SEMA4D: variants seen among roughly 807,000 people sequenced by gnomAD.
The protein encoded by SEMA4D is semaphorin-4D.
In SEMA4D, 22 loss-of-function variants were observed where a neutral mutation model predicts 74.8. That is an observed-to-expected ratio of 0.29 (90% CI 0.21 to 0.42). SEMA4D has a LOEUF of 0.42. Ranked by LOEUF, SEMA4D falls within the 10% of genes least tolerant of loss-of-function variation. SEMA4D has a pLI of 1.00. For missense variants in SEMA4D, 937 were observed against 1,118.4 expected (o/e 0.84, Z 2.31); for synonymous variants, 445 against 463.7 (o/e 0.96, Z 0.52).
intron 1 of SEMA4D, among the ~76,000 whole-genome samples, chr9:89,464,822 G>A (rs780708025): frequency 2.4e-4 from 36 of 151,960 alleles, no homozygotes; most frequent in Non-Finnish European, 5.1e-4. Context: ...GAGTTACCAC[G>A]GGGTGTGGGG....
chr9:89,364,665 A>G (rs1036185477), intron 16 of SEMA4D: 4 of 155,070 alleles, frequency 2.6e-5, no homozygotes, highest in African/African-American at 9.6e-5. Context: ...GATCTTAATT[A>G]CTTATTGAAG....
chr9:89,380,935 C>T, intron 15 of SEMA4D, 120 bp downstream of exon 15: 1 of 1,219,488 alleles, frequency 8.2e-7, no homozygotes, highest in Non-Finnish European at 1.2e-6. Context: ...CACTTGACCT[C>T]TGTTCCGAGT....
chr9:89,385,390 A>G, intron 13 of SEMA4D: 1 of 985,320 alleles, frequency 1.0e-6, no homozygotes, highest in East Asian at 1.1e-4. Flanking sequence ...GCCCCAGAAG[A>G]GCTTCTGGGT....
chr9:89,377,125 G>A (rs1271493975), downstream of SEMA4D: 2 of 1,463,376 alleles, frequency 1.4e-6, no homozygotes, highest in East Asian at 2.5e-5. Flanking sequence ...AGGCCAGAGA[G>A]GGCAAAACAC....
intron 1 of SEMA4D, among the ~76,000 whole-genome samples, chr9:89,471,166 AG>A (rs1347152635): frequency 1.2e-4 from 18 of 152,220 alleles, no homozygotes; most frequent in African/African-American, 4.1e-4. Context: ...TTCCACTTAT[AG>A]GAGGTCCCTA....
chr9:89,376,809 G>C, downstream of SEMA4D: 1 of 1,539,436 alleles, frequency 6.5e-7, no homozygotes, highest in East Asian at 2.5e-5. Context: ...ACAGGGCACA[G>C]GGGACAGAGA....
intron 2 of SEMA4D, chr9:89,450,814 G>C (rs11265901): frequency 1.4e-6 from 1 of 735,706 alleles, no homozygotes; most frequent in East Asian, 2.5e-5. Context: ...CCACACCCTA[G>C]ACTCTGTGAA....
chr9:89,476,060 G>A (rs1033230253), intron 1 of SEMA4D, among the ~76,000 whole-genome samples: 2 of 152,222 alleles, frequency 1.3e-5, no homozygotes, highest in Non-Finnish European at 2.9e-5. Flanking sequence ...AAGGTCGGCT[G>A]AGGTGTGAGC....
exon 19 of SEMA4D, chr9:89,361,186 G>A (rs1056147162): frequency 6.6e-6 from 1 of 152,504 alleles, no homozygotes; most frequent in East Asian, 1.9e-4. Flanking sequence ...TTGGGGTGCG[G>A]AGGGGGAACG....
chr9:89,386,195 C>A, intron 13 of SEMA4D, 172 bp downstream of exon 13: 1 of 623,592 alleles, frequency 1.6e-6, no homozygotes, highest in Non-Finnish European at 2.0e-6. Flanking sequence ...CAATTCAGAT[C>A]CCACAGCTCA....
Position 89,405,711 on chromosome 9 carries a change from T to C in SEMA4D, c.-243-12A>G. ...CCTCAGAAGAAATGCTGGAAGGACA[T>C]GAGAAAGAAAAGGCAGGACCCATGG... On this transcript the variant is annotated splice_polypyrimidine_tract_variant and intron_variant, in intron 2 of 15. Coordinates refer to ENST00000422704, the MANE Select transcript of SEMA4D (RefSeq NM_001371194.2). 2 of 1,404,968 alleles carry C rather than the reference T, an allele frequency of 1.4e-6. No individual in the cohort carries two copies. The highest frequency in any genetic ancestry group is 3.3e-5 in the South Asian group (2 of 60,040). 87.0% of individuals were successfully genotyped at this position (1,404,968 alleles called of 1,614,324 possible).
downstream of SEMA4D, among the ~76,000 whole-genome samples, chr9:89,376,231 G>A (rs1337075268): frequency 6.6e-6 from 1 of 152,196 alleles, no homozygotes; most frequent in East Asian, 1.9e-4. Flanking sequence ...CCTCCAAATT[G>A]TTAGCAGAAA....
In SEMA4D at chr9:89,488,352, C is replaced by CTTTTTTTTTTTTT. The variant is rs1158168446; in HGVS notation, c.-310+9554_-310+9566dup. 6.4e-5 allele frequency among the ~76,000 whole-genome samples: 4 copies of CTTTTTTTTTTTTT among 62,618 alleles called. 2 individuals are homozygous for CTTTTTTTTTTTTT. Among genetic ancestry groups the CTTTTTTTTTTTTT allele is most frequent in the Non-Finnish European group, 1.1e-4 (4 of 35,768 alleles). 41.1% of individuals were successfully genotyped at this position (62,618 alleles called of 152,430 possible). A position where few individuals can be genotyped will look rare whatever the true frequency, so the allele number is the denominator to read the frequency against. On this transcript the variant is annotated intron_variant, in intron 1 of 15. Coordinates refer to ENST00000422704, the MANE Select transcript of SEMA4D (RefSeq NM_001371194.2). ...AATTAACTCGAAATGGATCACAGAT[C>CTTTTTTTTTTTTT]TTTTTTTTTTTTTTTTTTTTTTTTT...
intron 1 of SEMA4D, among the ~76,000 whole-genome samples, chr9:89,471,024 T>C (rs765752855): frequency 2.6e-5 from 4 of 152,226 alleles, no homozygotes; most frequent in African/African-American, 7.2e-5. Flanking sequence ...GAGATAATCA[T>C]TCTTACTGTG....
At chr9:89,376,000 G>GT (rs549182763), downstream of SEMA4D, among the ~76,000 whole-genome samples, 74 of 152,244 alleles carry the variant, frequency 4.9e-4, no homozygotes, top group African/African-American at 1.6e-3. Context: ...AGCCTGGTTA[G>GT]TTTTTTTCAC....
intron 1 of SEMA4D, among the ~76,000 whole-genome samples, chr9:89,467,438 C>A (rs1333848488): frequency 6.6e-6 from 1 of 151,592 alleles, no homozygotes; most frequent in African/African-American, 2.4e-5. Context: ...ATTTCATTCT[C>A]CTCCTTTGAG....
chr9:89,380,772 A>G (rs1468746391), intron 15 of SEMA4D, among the ~76,000 whole-genome samples: 1 of 152,210 alleles, frequency 6.6e-6, no homozygotes, highest in East Asian at 1.9e-4. Context: ...TAACAGGCTT[A>G]GGTTTTGCTT....
At chr9:89,401,096 C>T (rs1352434083) in intron 4 of SEMA4D, among the ~76,000 whole-genome samples, 2 of 152,104 alleles carry the variant, frequency 1.3e-5, no homozygotes, top group Non-Finnish European at 2.9e-5. Flanking sequence ...GCTCTGTTGC[C>T]CAGGCTGGAC....
intron 2 of SEMA4D, among the ~76,000 whole-genome samples, chr9:89,429,073 G>A (rs1266397540): frequency 1.3e-5 from 2 of 152,212 alleles, no homozygotes; most frequent in Non-Finnish European, 2.9e-5. Context: ...GTCCAAGAGT[G>A]CGAAGAGTCA....
Sources: allele counts gnomAD v4.1 joint callset (sites outside exome capture counted in the v4.1 genomes callset), GRCh38; gene constraint gnomAD v4.1.1; transcripts MANE v1.5; gene names NCBI Gene and HGNC (gene_info 2026-07-23, HGNC 2026-07-21).